The following RYR2 variants were observed in gnomAD, a reference collection of about 807,000 sequenced individuals.
RYR2 encodes the protein ryanodine receptor 2, also known as cardiac muscle ryanodine receptor-calcium release channel.
In RYR2, 227 loss-of-function variants were observed where a neutral mutation model predicts 601.1. That is an observed-to-expected ratio of 0.38 (90% CI 0.34 to 0.42). The LOEUF is 0.42. RYR2 is among the 10% of genes least tolerant of loss of function. The pLI, the probability that RYR2 is intolerant of heterozygous loss-of-function variation, is 1.00. For missense variants in RYR2, 4,646 were observed against 6,156.5 expected (o/e 0.75, Z 8.21); for synonymous variants, 2,223 against 2,175.1 (o/e 1.02, Z -0.61).
At chr1:237,665,171 C>G (rs1339656060) in intron 56 of RYR2, among the ~76,000 whole-genome samples, 1 of 152,100 alleles carries the variant, frequency 6.6e-6, no homozygotes, top group South Asian at 2.1e-4. Flanking sequence ...GAGGCCGAGG[C>G]GGGTGGATCA....
intron 84 of RYR2, among the ~76,000 whole-genome samples, chr1:237,767,726 G>C (rs959132265): frequency 6.6e-6 from 1 of 152,018 alleles, no homozygotes; most frequent in Non-Finnish European, 1.5e-5. Flanking sequence ...TACTTAAGCC[G>C]CTTAAACAGC....
At chr1:237,632,030 G>C (rs922636905) in intron 42 of RYR2, among the ~76,000 whole-genome samples, 7 of 151,950 alleles carry the variant, frequency 4.6e-5, no homozygotes, top group African/African-American at 1.7e-4. Context: ...TTAGGGAGTT[G>C]AACGTACTAC....
At chr1:237,213,085 T>C (rs1321572834) in intron 1 of RYR2, among the ~76,000 whole-genome samples, 1 of 152,096 alleles carries the variant, frequency 6.6e-6, no homozygotes, top group Non-Finnish European at 1.5e-5. Context: ...TGGTTATTAT[T>C]ATTAACCATT....
intron 1 of RYR2, among the ~76,000 whole-genome samples, chr1:237,168,967 A>G (rs1677028891): frequency 6.6e-6 from 1 of 152,208 alleles, no homozygotes; most frequent in Admixed American, 6.5e-5. Flanking sequence ...AACCAAAAAG[A>G]ACAGAGTTGA....
chr1:237,072,824 T>C (rs1281198866), intron 1 of RYR2, among the ~76,000 whole-genome samples: 1 of 151,928 alleles, frequency 6.6e-6, no homozygotes, highest in African/African-American at 2.4e-5. Flanking sequence ...GGCAGTCACC[T>C]GTAATCCCAG....
intron 17 of RYR2, among the ~76,000 whole-genome samples, chr1:237,478,654 C>G (rs1327435551): frequency 7.1e-6 from 1 of 139,874 alleles, no homozygotes; most frequent in Non-Finnish European, 1.5e-5. Flanking sequence ...AATATATTAA[C>G]TTACTTAATC....
intron 71 of RYR2, 105 bp from the exon 72 acceptor site, chr1:237,717,093 C>G: frequency 1.0e-6 from 1 of 960,136 alleles, no homozygotes; most frequent in Admixed American, 2.5e-5. Flanking sequence ...AACTAGGGAG[C>G]AGCAGAAAAT....
intron 16 of RYR2, among the ~76,000 whole-genome samples, chr1:237,466,948 A>C (rs1032739299): frequency 2.0e-5 from 3 of 151,828 alleles, no homozygotes; most frequent in Admixed American, 6.6e-5. Context: ...CGGTTCTGTC[A>C]GAGAACATGG....
chr1:237,382,508 TA>T (rs1260882362), intron 8 of RYR2, among the ~76,000 whole-genome samples: 4 of 142,252 alleles, frequency 2.8e-5, no homozygotes, highest in East Asian at 2.3e-4. Flanking sequence ...GTATATCTCC[TA>T]ATGTTATCCC....
intron 1 of RYR2, among the ~76,000 whole-genome samples, chr1:237,063,210 C>T (rs1167565587): frequency 6.6e-6 from 1 of 152,170 alleles, no homozygotes; most frequent in East Asian, 1.9e-4. Context: ...CAGAACCTGG[C>T]CATGCTGGCT....
intron 56 of RYR2, among the ~76,000 whole-genome samples, chr1:237,663,087 A>C (rs1187957007): frequency 5.3e-5 from 8 of 152,252 alleles, no homozygotes; most frequent in African/African-American, 1.9e-4. Flanking sequence ...TATAAGCCTC[A>C]GAAATGGGGA....
intron 29 of RYR2, among the ~76,000 whole-genome samples, chr1:237,577,500 C>CTGTGTGTGAGTGTG (rs1673363801): frequency 8.8e-6 from 1 of 113,778 alleles, no homozygotes; most frequent in Non-Finnish European, 1.9e-5. Flanking sequence ...GTGTGTGTTT[C>CTGTGTGTGAGTGTG]TGTGTGTGTG....
intron 25 of RYR2, 94 bp downstream of exon 25, chr1:237,530,604 C>A: frequency 9.9e-7 from 1 of 1,014,448 alleles, no homozygotes; most frequent in Non-Finnish European, 1.5e-6. Context: ...CTTGCTTTTA[C>A]TGAAGCTTTA....
At chr1:237,579,024 A>G (rs1673589109) in intron 29 of RYR2, among the ~76,000 whole-genome samples, 1 of 152,116 alleles carries the variant, frequency 6.6e-6, no homozygotes, top group Admixed American at 6.5e-5. Context: ...TTAGAGGGAA[A>G]AAAAAAGAAA....
chr1:237,306,380 T>A (rs1693860255), intron 2 of RYR2, among the ~76,000 whole-genome samples: 1 of 152,204 alleles, frequency 6.6e-6, no homozygotes, highest in African/African-American at 2.4e-5. Flanking sequence ...TGACAGATAG[T>A]AATCTGGCAC....
intron 49 of RYR2, 25 bp from the exon 50 acceptor site, chr1:237,649,852 C>T: frequency 3.7e-6 from 6 of 1,606,350 alleles, no homozygotes; most frequent in Non-Finnish European, 4.3e-6. Context: ...CACAAATGGC[C>T]TTCTACTCTC....
chr1:237,659,593 A>T (rs1184687095), intron 54 of RYR2, among the ~76,000 whole-genome samples: 1 of 152,244 alleles, frequency 6.6e-6, no homozygotes, highest in Non-Finnish European at 1.5e-5. Flanking sequence ...AAGATGGGTC[A>T]GAATAAATAT....
intron 22 of RYR2, among the ~76,000 whole-genome samples, chr1:237,503,842 G>C (rs952273706): frequency 2.0e-5 from 3 of 151,914 alleles, no homozygotes; most frequent in Non-Finnish European, 4.4e-5. Flanking sequence ...CAAGTAGCTG[G>C]GATTACAGGC....
At chr1:237,151,560 A>G (rs941216518) in intron 1 of RYR2, among the ~76,000 whole-genome samples, 1 of 152,234 alleles carries the variant, frequency 6.6e-6, no homozygotes, top group African/African-American at 2.4e-5. Flanking sequence ...GGAGTTTGCT[A>G]CTTGGAATCT....
Sources: allele counts gnomAD v4.1 joint callset (sites outside exome capture counted in the v4.1 genomes callset), GRCh38; gene constraint gnomAD v4.1.1; transcripts MANE v1.5; gene names NCBI Gene and HGNC (gene_info 2026-07-23, HGNC 2026-07-21).